The following FAM114A1 variants were observed in gnomAD, a reference collection of about 807,000 sequenced individuals.
The protein encoded by FAM114A1 is family with sequence similarity 114 member A1.
FAM114A1 carries 62 observed loss-of-function variants against 64.3 expected under a neutral mutation model. The observed-to-expected ratio is 0.96, with a 90% confidence interval of 0.79 to 1.19. The LOEUF (loss-of-function observed/expected upper bound fraction) is 1.19, where lower values mean the gene tolerates loss of function less well. FAM114A1 is among the 50% of genes most tolerant of loss of function. FAM114A1 has a pLI of 0.00. For missense variants in FAM114A1, 645 were observed against 676.3 expected (o/e 0.95, Z 0.51); for synonymous variants, 254 against 251.1 (o/e 1.01, Z -0.11).
Position 38,901,530 on chromosome 4 carries a change from G to A in FAM114A1, c.437-3992G>A, listed in dbSNP as rs144258953. 1.9e-3 allele frequency among the ~76,000 whole-genome samples: 283 copies of A among 152,298 alleles called. 3 individuals carry two copies. Among genetic ancestry groups the A allele is most frequent in the African/African-American group, 6.6e-3 (273 of 41,570 alleles). ...TGGTCTCGAACTCCTGATCTCAGGT[G>A]ATCCGCCTACCTCGGCCTCCCAAAG... On this transcript the variant is annotated intron_variant, in intron 4 of 14. Coordinates refer to ENST00000358869, the MANE Select transcript of FAM114A1 (RefSeq NM_138389.4).
At chr4:38,904,892 G>T (rs1717835500) in intron 4 of FAM114A1, among the ~76,000 whole-genome samples, 3 of 152,200 alleles carry the variant, frequency 2.0e-5, no homozygotes, top group African/African-American at 7.2e-5. Flanking sequence ...ATAGCTAGGT[G>T]GTGTGAGAAG....
At chr4:38,890,998 T>G (rs1019095980) in intron 3 of FAM114A1, among the ~76,000 whole-genome samples, 1 of 152,182 alleles carries the variant, frequency 6.6e-6, no homozygotes, top group Non-Finnish European at 1.5e-5. Context: ...CTCTTAATTC[T>G]TAGTCTGCGT....
chr4:38,881,357 A>G (rs139336492), intron 3 of FAM114A1, among the ~76,000 whole-genome samples: 27 of 152,204 alleles, frequency 1.8e-4, no homozygotes, highest in African/African-American at 6.5e-4. Flanking sequence ...CACCCCCTAC[A>G]ACACTGACAG....
intron 2 of FAM114A1, among the ~76,000 whole-genome samples, chr4:38,877,457 A>T (rs555027567): frequency 9.9e-5 from 15 of 152,192 alleles, no homozygotes; most frequent in African/African-American, 3.4e-4. Context: ...TCATGCTCCT[A>T]TGAGAATCTA....
rs768403892 is a variant in FAM114A1, at chr4:38,918,461, G to A, written c.945+3388G>A. 1.1e-4 allele frequency among the ~76,000 whole-genome samples: 16 copies of A among 152,126 alleles called. No individual in the cohort carries two copies. In the South Asian group the frequency reaches 2.3e-3, roughly 22 times the overall value. On this transcript the variant is annotated intron_variant, in intron 8 of 14. Transcript: ENST00000358869. ...GAGGCTTAGACTGAGGTTGACACAC[G>A]TAGCGAATAAAAATACGGGATGACT... is the stretch of plus-strand genomic sequence containing the variant.
intron 6 of FAM114A1, among the ~76,000 whole-genome samples, chr4:38,906,522 G>T: frequency 6.6e-6 from 1 of 151,994 alleles, no homozygotes; most frequent in Admixed American, 6.6e-5. Flanking sequence ...AGGGAGCAAA[G>T]ATTTATTTTG....
intron 12 of FAM114A1, among the ~76,000 whole-genome samples, chr4:38,932,876 A>G (rs1720774572): frequency 1.4e-5 from 2 of 145,982 alleles, no homozygotes; most frequent in South Asian, 4.3e-4. Flanking sequence ...TTTTTTTGAG[A>G]CAGAGTCTCG....
chr4:38,879,424 C>A (rs1032275371), intron 3 of FAM114A1, among the ~76,000 whole-genome samples: 4 of 152,204 alleles, frequency 2.6e-5, no homozygotes, highest in Non-Finnish European at 4.4e-5. Flanking sequence ...TTGGGCCAGA[C>A]AAACTAATGT....
chr4:38,903,377 T>G (rs867826410), intron 4 of FAM114A1, among the ~76,000 whole-genome samples: 1 of 152,196 alleles, frequency 6.6e-6, no homozygotes, highest in South Asian at 2.1e-4. Flanking sequence ...TTTCATTATC[T>G]CCTGAAACAG....
At chr4:38,876,123 T>C (rs1410810759) in intron 2 of FAM114A1, among the ~76,000 whole-genome samples, 2 of 39,590 alleles carry the variant, frequency 5.1e-5, no homozygotes, top group Non-Finnish European at 1.2e-4. Context: ...ATGGCAAGTA[T>C]TTTTTTTGAT....
intron 2 of FAM114A1, among the ~76,000 whole-genome samples, chr4:38,872,623 T>C (rs547192460): frequency 5.9e-5 from 9 of 152,326 alleles, no homozygotes; most frequent in African/African-American, 2.2e-4. Context: ...ATTCTCCTCA[T>C]TGTTGTGTCC....
At chr4:38,931,373 A>T (rs896904938) in intron 10 of FAM114A1, 78 bp from the exon 11 acceptor site, 20 of 1,495,236 alleles carry the variant, frequency 1.3e-5, no homozygotes, top group Admixed American at 1.2e-4. Flanking sequence ...GAGACACTTG[A>T]TTCTAGTCTT....
chr4:38,900,753 C>T (rs991808529), intron 4 of FAM114A1, among the ~76,000 whole-genome samples: 1 of 151,998 alleles, frequency 6.6e-6, no homozygotes, highest in African/African-American at 2.4e-5. Flanking sequence ...TGATGGTTGC[C>T]AGGGGCTGGT....
intron 9 of FAM114A1, among the ~76,000 whole-genome samples, chr4:38,925,046 G>T (rs1007887176): frequency 6.6e-6 from 1 of 152,178 alleles, no homozygotes; most frequent in South Asian, 2.1e-4. Flanking sequence ...AGAAAATGTT[G>T]CTGTAAGTGA....
chr4:38,915,549 G>A (rs1718962272), intron 8 of FAM114A1, among the ~76,000 whole-genome samples: 1 of 152,026 alleles, frequency 6.6e-6, no homozygotes, highest in Non-Finnish European at 1.5e-5. Context: ...AGGACTCCTG[G>A]GCCACAAAGG....
Position 38,923,474 on chromosome 4 carries a change from G to T in FAM114A1, c.1069+581G>T, listed in dbSNP as rs541958043. 6.6e-5 allele frequency among the ~76,000 whole-genome samples: 10 copies of T among 152,124 alleles called. No individual in the cohort carries two copies. In the South Asian group the frequency reaches 1.9e-3, roughly 28 times the overall value. On this transcript the variant is annotated intron_variant, in intron 9 of 14. Transcript: ENST00000358869. ...TTGACCTCATGATCTGCCTGCCTCG[G>T]CCTCCCAAAGTGCTGGGATTACAGG...
chr4:38,945,326 G>A lies in FAM114A1; in HGVS notation c.*1769G>A, dbSNP rs1158028471. 1 of 149,638 alleles carries A rather than the reference G, an allele frequency of 6.7e-6. No individual in the cohort carries two copies. The highest frequency in any genetic ancestry group is 6.6e-5 in the Admixed American group (1 of 15,102). The allele number at this position is 149,638 out of a possible 1,614,324, so 9.3% of individuals were successfully genotyped here. A position where few individuals can be genotyped will look rare whatever the true frequency, so the allele number is the denominator to read the frequency against. On this transcript the variant is annotated 3_prime_UTR_variant, in exon 15 of 15. Transcript: ENST00000358869. ...TGGGAGGCTGCACAGAAGACCCTGCGGCCAGGAGGGGCATTGTCAGTGGCT... is the reference window on the plus strand; with the variant it reads ...TGGGAGGCTGCACAGAAGACCCTGCAGCCAGGAGGGGCATTGTCAGTGGCT...
At chr4:38,900,144 GATA>G (rs1191232928) in intron 4 of FAM114A1, among the ~76,000 whole-genome samples, 2 of 151,740 alleles carry the variant, frequency 1.3e-5, no homozygotes, top group African/African-American at 4.8e-5. Flanking sequence ...ACTATGATGA[GATA>G]ATACCTCACA....
intron 11 of FAM114A1, 112 bp downstream of exon 11, chr4:38,931,724 T>C (rs1393735699): frequency 8.4e-7 from 1 of 1,196,792 alleles, no homozygotes; most frequent in Non-Finnish European, 1.1e-6. Flanking sequence ...TTCCGTGTTA[T>C]AGAAATATAA....
Sources: gnomAD v4.1 joint callset for allele counts (sites outside exome capture counted in the v4.1 genomes callset) on GRCh38, gnomAD v4.1.1 for gene constraint, MANE v1.5 for transcripts, NCBI Gene and HGNC (gene_info 2026-07-23, HGNC 2026-07-21) for gene names.